The following PLCH1 variants were observed in gnomAD, a reference collection of about 807,000 sequenced individuals.
PLCH1 encodes phospholipase C eta 1.
A neutral mutation model predicts 126.7 loss-of-function variants in PLCH1; 60 were observed. The observed-to-expected ratio is 0.47, with a 90% CI of 0.38 to 0.59. The LOEUF (loss-of-function observed/expected upper bound fraction) is 0.59, where lower values mean the gene tolerates loss of function less well. Among genes scored for constraint, PLCH1 ranks in the 20% least tolerant of loss-of-function variants. The pLI, the probability that PLCH1 is intolerant of heterozygous loss-of-function variation, is 0.00. For missense variants in PLCH1, 1,723 were observed against 2,040.0 expected (o/e 0.84, Z 2.99); for synonymous variants, 719 against 734.9 (o/e 0.98, Z 0.35).
At chr3:155,596,127 A>G (rs1732950207) in intron 3 of PLCH1, 105 bp downstream of exon 3, 1 of 807,570 alleles carries the variant, frequency 1.2e-6, no homozygotes, top group Non-Finnish European at 2.0e-6. Context: ...CTCCAAACTT[A>G]TAAAAGTATA....
chr3:155,665,985 C>T (rs1428198362), intron 2 of PLCH1, among the ~76,000 whole-genome samples: 1 of 152,158 alleles, frequency 6.6e-6, no homozygotes, highest in African/African-American at 2.4e-5. Context: ...TATCAATCAC[C>T]ATAGATATTC....
At chr3:155,692,854 T>A (rs1427035613) in intron 2 of PLCH1, among the ~76,000 whole-genome samples, 2 of 152,072 alleles carry the variant, frequency 1.3e-5, no homozygotes, top group East Asian at 3.9e-4. Context: ...CCTTCCTGGT[T>A]CACGCCATTC....
Position 155,664,223 on chromosome 3 carries a change from G to A in PLCH1, c.79+39923C>T, listed in dbSNP as rs145758089. Reference sequence around the variant, plus strand: ...TCTTGGCTAGTTCGCTATTCCACAAGTGTAAAGAAACCTATGGTGCTCATC... The same window carrying A: ...TCTTGGCTAGTTCGCTATTCCACAAATGTAAAGAAACCTATGGTGCTCATC... On this transcript the variant is annotated intron_variant, in intron 2 of 22. Coordinates refer to ENST00000460012, the MANE Select transcript of PLCH1 (RefSeq NM_014996.4). 2.8e-4 allele frequency among the ~76,000 whole-genome samples: 43 copies of A among 152,340 alleles called. No homozygotes were observed. The East Asian group carries it at 5.2e-3, about 18-fold the overall frequency.
intron 2 of PLCH1, among the ~76,000 whole-genome samples, chr3:155,651,731 A>G (rs1740736816): frequency 6.6e-6 from 1 of 152,118 alleles, no homozygotes; most frequent in African/African-American, 2.4e-5. Flanking sequence ...ACTTACCACC[A>G]CCTGATCTCT....
intron 2 of PLCH1, among the ~76,000 whole-genome samples, chr3:155,662,459 C>A (rs1230986716): frequency 6.6e-6 from 1 of 151,024 alleles, no homozygotes; most frequent in Non-Finnish European, 1.5e-5. Flanking sequence ...CAGAGTGACA[C>A]CGTCTCTAAA....
At chr3:155,544,696 C>T (rs1166117242) in intron 10 of PLCH1, among the ~76,000 whole-genome samples, 1 of 151,926 alleles carries the variant, frequency 6.6e-6, no homozygotes, top group African/African-American at 2.4e-5. Flanking sequence ...TCTCTCAGAC[C>T]ACAGTGCAAT....
chr3:155,579,133 C>A (rs943039650), intron 6 of PLCH1, among the ~76,000 whole-genome samples: 1 of 152,156 alleles, frequency 6.6e-6, no homozygotes, highest in African/African-American at 2.4e-5. Context: ...ATAAAGTCTC[C>A]TCTGTGTTAT....
chr3:155,493,001 C>T, intron 17 of PLCH1, 148 bp from the exon 18 acceptor site: 1 of 663,660 alleles, frequency 1.5e-6, no homozygotes, highest in Non-Finnish European at 2.2e-6. Context: ...CTGTGGTTTT[C>T]ATTAGAAACC....
intron 2 of PLCH1, among the ~76,000 whole-genome samples, chr3:155,677,092 T>C (rs1744156569): frequency 6.6e-6 from 1 of 152,182 alleles, no homozygotes; most frequent in African/African-American, 2.4e-5. Context: ...TCATCCTGAG[T>C]ATTAACTCTC....
At chr3:155,526,288 G>A (rs1395438878) in intron 10 of PLCH1, among the ~76,000 whole-genome samples, 1 of 151,946 alleles carries the variant, frequency 6.6e-6, no homozygotes, top group Non-Finnish European at 1.5e-5. Context: ...AAAAGTGATG[G>A]GAGGTTACTT....
rs541072077 is a variant in PLCH1, at chr3:155,706,350, G to C, written c.-40-2086C>G. 6.2e-4 allele frequency among the ~76,000 whole-genome samples: 91 copies of C among 147,426 alleles called. 2 individuals are homozygous for C. In the Middle Eastern group the frequency reaches 0.018, roughly 29 times the overall value. ...AAATACAAAAAATTAGGCCAGGTGC[G>C]GTGGCTCACACCTGTAATCCCAGCA... is the stretch of plus-strand genomic sequence containing the variant. On this transcript the variant is annotated intron_variant, in intron 1 of 22. Transcript: ENST00000460012.
chr3:155,627,087 A>C (rs1737399357), intron 2 of PLCH1, among the ~76,000 whole-genome samples: 1 of 152,190 alleles, frequency 6.6e-6, no homozygotes, highest in African/African-American at 2.4e-5. Context: ...GATATGCAAA[A>C]TTTTTCATGT....
At position 155,482,485 on chromosome 3, in the gene PLCH1, C is replaced by G. The variant is rs761712917; in HGVS notation, c.3541G>C (p.Glu1181Gln). Residue 1181 changes from glutamate (E) to glutamine (Q), a missense_variant, in exon 23 of 23, where the codon GAG (glutamate) becomes CAG (glutamine). Around this residue, in one of 2 missense-constraint regions of PLCH1, gnomAD observed 947 missense variants for 977.1 expected, o/e 0.97. Coordinates refer to ENST00000460012, the MANE Select transcript of PLCH1 (RefSeq NM_014996.4). ...GAGATGGAACTGCCCGGCTCATTCT[C>G]ATTTGTTAAAGTGACATTGTCAATA... ...HLIDNVTLTN[E>Q]NEPGSSISAL... 4 of 1,614,156 alleles carry G rather than the reference C, an allele frequency of 2.5e-6. No individual in the cohort carries two copies. Among genetic ancestry groups the G allele is most frequent in the Non-Finnish European group, 3.4e-6 (4 of 1,180,032 alleles).
intron 17 of PLCH1, among the ~76,000 whole-genome samples, chr3:155,493,544 T>C (rs762189191): frequency 1.3e-5 from 2 of 152,150 alleles, no homozygotes; most frequent in Non-Finnish European, 2.9e-5. Context: ...CGCACCACTA[T>C]GCCCAGCTAA....
At chr3:155,529,688 C>T (rs1427717115) in intron 10 of PLCH1, among the ~76,000 whole-genome samples, 8 of 152,128 alleles carry the variant, frequency 5.3e-5, no homozygotes, top group African/African-American at 1.4e-4. Context: ...GGTCTTGTTT[C>T]GATGTGGATA....
At chr3:155,558,608 G>A (rs909513848) in intron 8 of PLCH1, among the ~76,000 whole-genome samples, 1 of 152,100 alleles carries the variant, frequency 6.6e-6, no homozygotes, top group Admixed American at 6.6e-5. Flanking sequence ...ATGTGAATGT[G>A]GTTTCTCTCT....
intron 2 of PLCH1, among the ~76,000 whole-genome samples, chr3:155,659,610 T>C (rs1741892288): frequency 6.6e-6 from 1 of 152,034 alleles, no homozygotes; most frequent in Non-Finnish European, 1.5e-5. Flanking sequence ...GCGATTCTCC[T>C]GCCTCAGCCT....
intron 8 of PLCH1, among the ~76,000 whole-genome samples, chr3:155,557,445 G>A (rs1393227361): frequency 6.6e-6 from 1 of 151,986 alleles, no homozygotes; most frequent in Non-Finnish European, 1.5e-5. Flanking sequence ...CATGAAAGAA[G>A]GCACTCTTTG....
At chr3:155,626,605 T>C (rs887605110) in intron 2 of PLCH1, among the ~76,000 whole-genome samples, 9 of 151,190 alleles carry the variant, frequency 6.0e-5, no homozygotes, top group Non-Finnish European at 8.9e-5. Flanking sequence ...CCATCTCTAC[T>C]AAAAATACAA....
Sources: allele counts gnomAD v4.1 joint callset (sites outside exome capture counted in the v4.1 genomes callset), GRCh38; gene constraint gnomAD v4.1.1; regional missense constraint gnomAD v4.1.1; transcripts MANE v1.5; gene names NCBI Gene and HGNC (gene_info 2026-07-23, HGNC 2026-07-21).